Variants in MAP3K2 observed in about 807,000 individuals in gnomAD.
The protein encoded by MAP3K2 is mitogen-activated protein kinase kinase kinase 2, also known as MAP/ERK kinase kinase 2.
A neutral mutation model predicts 80.3 loss-of-function variants in MAP3K2; 24 were observed. The observed-to-expected ratio is 0.30, with a 90% confidence interval of 0.22 to 0.42. The LOEUF (loss-of-function observed/expected upper bound fraction) is 0.42. Among genes scored for constraint, MAP3K2 ranks in the 10% least tolerant of loss-of-function variants. The pLI, the probability that MAP3K2 is intolerant of heterozygous loss-of-function variation, is 1.00. For missense variants in MAP3K2, 608 were observed against 750.1 expected, an observed-to-expected ratio of 0.81 and a Z score of 2.21; for synonymous variants, 244 against 253.7, an observed-to-expected ratio of 0.96 and a Z score of 0.36.
chr2:127,334,489 G>A (rs1037500050), intron 5 of MAP3K2, among the ~76,000 whole-genome samples: 8 of 152,116 alleles, frequency 5.3e-5, no homozygotes, highest in South Asian at 2.1e-4. Flanking sequence ...GGAGTGCAGT[G>A]GTTCAACTGT....
At chr2:127,351,056 A>T (rs1338235028) in intron 1 of MAP3K2, among the ~76,000 whole-genome samples, 1 of 152,194 alleles carries the variant, frequency 6.6e-6, no homozygotes, top group Non-Finnish European at 1.5e-5. Context: ...TGTAAACCTC[A>T]AAACTGTCGA....
chr2:127,333,771 T>C (rs1035580047), intron 5 of MAP3K2, among the ~76,000 whole-genome samples: 2 of 151,308 alleles, frequency 1.3e-5, no homozygotes, highest in African/African-American at 4.9e-5. Context: ...TGGAGCAGTT[T>C]TCCAATTTTT....
chr2:127,371,458 C>G (rs1054678648), intron 1 of MAP3K2, among the ~76,000 whole-genome samples: 5 of 152,158 alleles, frequency 3.3e-5, no homozygotes, highest in African/African-American at 9.7e-5. Flanking sequence ...ACAAGGGCCT[C>G]AGGAGCCATT....
chr2:127,314,720 G>A lies in MAP3K2; in HGVS notation c.1456+34C>T, dbSNP rs770209008. The A allele has an allele frequency of 3.3e-6, 5 of 1,511,414 alleles. No individual in the cohort carries two copies. In the East Asian group the frequency reaches 6.8e-5, roughly 21 times the overall value. The allele number at this position is 1,511,414 out of a possible 1,614,324, so 93.6% of individuals were successfully genotyped here. On this transcript the variant is annotated intron_variant, in intron 15 of 16. Transcript: ENST00000682094. Reference sequence around the variant, plus strand: ...GTTTCATTCACATTCACTAAGAACTGTGTACTTAAAATAGAAAATACCTCA... The same window carrying A: ...GTTTCATTCACATTCACTAAGAACTATGTACTTAAAATAGAAAATACCTCA...
chr2:127,338,835 C>A, intron 3 of MAP3K2, 97 bp downstream of exon 3: 1 of 792,782 alleles, frequency 1.3e-6, no homozygotes, highest in Non-Finnish European at 2.0e-6. Flanking sequence ...ATTCTTGATT[C>A]GAAAGTGTAA....
At chr2:127,388,248 C>T (rs921479205), upstream of MAP3K2, 653 of 984,906 alleles carry the variant, frequency 6.6e-4, 3 homozygotes, top group Non-Finnish European at 7.2e-4. Context: ...GCATACGCAC[C>T]TGGGTTGTCT....
intron 7 of MAP3K2, 82 bp from the exon 8 acceptor site, chr2:127,326,899 A>G: frequency 1.3e-6 from 1 of 779,152 alleles, no homozygotes; most frequent in East Asian, 2.9e-5. Context: ...TTTCTGAATT[A>G]TATCATTAAT....
chr2:127,377,223 C>T (rs371850618), intron 1 of MAP3K2, among the ~76,000 whole-genome samples: 5 of 151,880 alleles, frequency 3.3e-5, no homozygotes, highest in East Asian at 1.9e-4. Flanking sequence ...TTAAAATAGA[C>T]GAGTTTATTG....
chr2:127,378,287 T>C (rs1687183324), intron 1 of MAP3K2: 1 of 257,644 alleles, frequency 3.9e-6, no homozygotes, highest in Admixed American at 6.5e-5. Context: ...TAAATATCTG[T>C]ATAATACTTT....
chr2:127,324,224 G>A lies in MAP3K2; in HGVS notation c.695C>T (p.Ser232Leu), dbSNP rs1303538210. 6.4e-7 allele frequency: 1 copy of A among 1,561,614 alleles called. No homozygotes were observed. The highest frequency in any genetic ancestry group is 8.7e-7 in the Non-Finnish European group (1 of 1,153,296). The change falls in exon 10 of 17, where the codon TCA (serine) becomes TTA (leucine). Residue 232 changes from serine to leucine, a missense_variant. Physicochemically the swap from Ser to Leu is moderately radical, Grantham distance 145. This residue lies in a region of MAP3K2 where 467 missense variants were observed against 521.9 expected (regional missense o/e 0.89). Coordinates refer to ENST00000682094, the MANE Select transcript of MAP3K2 (RefSeq NM_001371910.2). ...SPLDGESYPK[S>L]RMPRAQSYPD... ...GTAGCTCTGAGCCCTAGGCATTCGT[G>A]ATTTTGGATAGCTCTCTCTATAAAG...
At chr2:127,314,411 G>T (rs546391180) in intron 15 of MAP3K2, among the ~76,000 whole-genome samples, 2 of 152,352 alleles carry the variant, frequency 1.3e-5, no homozygotes, top group South Asian at 4.1e-4. Flanking sequence ...GCCACACGGT[G>T]TGGATAAAAG....
intron 9 of MAP3K2, among the ~76,000 whole-genome samples, 178 bp downstream of exon 9, chr2:127,325,550 T>C (rs1346227848): frequency 6.6e-6 from 1 of 152,012 alleles, no homozygotes; most frequent in African/African-American, 2.4e-5. Flanking sequence ...GATGTGGTAT[T>C]AATAGCAAAT....
At chr2:127,328,295 T>C (rs1006527225) in intron 7 of MAP3K2, among the ~76,000 whole-genome samples, 3 of 151,910 alleles carry the variant, frequency 2.0e-5, no homozygotes, top group African/African-American at 7.2e-5. Flanking sequence ...TAAAATAAAG[T>C]GAATTAGCAA....
chr2:127,377,741 T>C (rs1687175295), intron 1 of MAP3K2, among the ~76,000 whole-genome samples: 5 of 152,288 alleles, frequency 3.3e-5, no homozygotes, highest in Admixed American at 2.6e-4. Flanking sequence ...TGTAGAAAAT[T>C]GTATGATAGC....
At chr2:127,312,507 T>A (rs907127428) in intron 15 of MAP3K2, among the ~76,000 whole-genome samples, 1 of 151,742 alleles carries the variant, frequency 6.6e-6, no homozygotes, top group Non-Finnish European at 1.5e-5. Context: ...CAAAAAAAAA[T>A]TTAATTAACT....
chr2:127,336,704 GT>G (rs1449147356), intron 4 of MAP3K2, among the ~76,000 whole-genome samples: 1 of 152,216 alleles, frequency 6.6e-6, no homozygotes, highest in East Asian at 1.9e-4. Context: ...AGATTGGATA[GT>G]TCCATGGTTT....
intron 2 of MAP3K2, among the ~76,000 whole-genome samples, chr2:127,342,071 A>G (rs1686503906): frequency 6.6e-6 from 1 of 152,182 alleles, no homozygotes; most frequent in South Asian, 2.1e-4. Flanking sequence ...TTGCCCTACT[A>G]TAGAGCAGTA....
At position 127,322,273 on chromosome 2, in the gene MAP3K2, G is replaced by A; in HGVS notation, c.839-21C>T. On this transcript the variant is annotated intron_variant, in intron 11 of 16. Coordinates refer to ENST00000682094, the MANE Select transcript of MAP3K2 (RefSeq NM_001371910.2). This position sits in a 1 kb window ranked among gnomAD's most constrained non-coding sequence, Gnocchi z 4.2. ...ACGACCTAAAAAATGAAAAGAGAATGACCTTATACCTTTTATTAATATGTT... is the reference window on the plus strand; with the variant it reads ...ACGACCTAAAAAATGAAAAGAGAATAACCTTATACCTTTTATTAATATGTT... 1 of 1,458,694 alleles carries A rather than the reference G, an allele frequency of 6.9e-7. No homozygotes were observed. The highest frequency in any genetic ancestry group is 2.3e-5 in the East Asian group (1 of 44,192). The allele number at this position is 1,458,694 out of a possible 1,614,324, so 90.4% of individuals were successfully genotyped here. A position where few individuals can be genotyped will look rare whatever the true frequency, so the allele number is the denominator to read the frequency against.
chr2:127,318,874 C>T (rs891476566), intron 12 of MAP3K2, among the ~76,000 whole-genome samples: 2 of 152,132 alleles, frequency 1.3e-5, no homozygotes, highest in Admixed American at 6.5e-5. Context: ...TCACTTGTGG[C>T]AAAGCACAGA....
Sources: allele counts gnomAD v4.1 joint callset (sites outside exome capture counted in the v4.1 genomes callset), GRCh38; gene constraint gnomAD v4.1.1; regional missense constraint gnomAD v4.1.1; non-coding constraint Gnocchi (gnomAD v3.1); transcripts MANE v1.5; gene names NCBI Gene and HGNC (gene_info 2026-07-23, HGNC 2026-07-21).